Variants in CERS2 observed in about 807,000 individuals in gnomAD.
The protein encoded by CERS2 is ceramide synthase 2, also known as LAG1 homolog, ceramide synthase 2.
A neutral mutation model predicts 56.6 loss-of-function variants in CERS2; 20 were observed. The ratio of observed to expected loss-of-function variants is 0.35; its 90% CI spans 0.25 to 0.51. The LOEUF is 0.51. Ranked by LOEUF, CERS2 falls within the 20% of genes least tolerant of loss-of-function variation. The pLI is 0.96. For missense variants in CERS2, 361 were observed against 488.6 expected (o/e 0.74, Z 2.46); for synonymous variants, 187 against 175.4 (o/e 1.07, Z -0.52).
chr1:150,968,148 C>T lies in CERS2; in HGVS notation c.345G>A (p.Glu115=), dbSNP rs987811216. 6.2e-7 allele frequency: 1 copy of T among 1,609,842 alleles called. No homozygotes were observed. The highest frequency in any genetic ancestry group is 8.5e-7 in the Non-Finnish European group (1 of 1,180,006). ...GGTTGCGGCGGCGACGGAACCAACG[C>T]TCTACCTGGCGGCCAGAGAGCCCGC... ...RQSGLSGRQV[E]RWFRRRRNQD... is the part of the protein sequence containing the mutation. The change falls in exon 4 of 11, where the codon GAG becomes GAA. Residue 115 remains glutamate (E), a synonymous_variant. Coordinates refer to ENST00000368954, the MANE Select transcript of CERS2 (RefSeq NM_022075.5).
At chr1:150,966,988 A>C (rs1671042392) in intron 8 of CERS2, 86 bp downstream of exon 8, 8 of 1,547,688 alleles carry the variant, frequency 5.2e-6, no homozygotes, top group Non-Finnish European at 7.1e-6. Flanking sequence ...TCATCCTCCA[A>C]ATTCCCACCC....
At chr1:150,969,182 A>G in intron 1 of CERS2, 91 bp from the exon 2 acceptor site, 1 of 1,104,454 alleles carries the variant, frequency 9.1e-7, no homozygotes, top group Non-Finnish European at 1.3e-6. Context: ...TATCAAAAGG[A>G]GAAGGGGGCA....
Position 150,966,523 on chromosome 1 carries a change from A to G in CERS2, c.955T>C (p.Trp319Arg), listed in dbSNP as rs761938175. The change falls in exon 10 of 11, where the codon TGG (tryptophan) becomes CGG (arginine). Residue 319 changes from tryptophan (W) to arginine (R), a missense_variant. Trp to Arg is a moderately radical substitution (Grantham distance 101). This residue lies in a region of CERS2 where 122 missense variants were observed against 151.9 expected (regional missense o/e 0.80). Coordinates refer to ENST00000368954, the MANE Select transcript of CERS2 (RefSeq NM_022075.5). ...GCCATGCGCAAAATGAGGTAGGCCC[A>G]GAAGATATGCAGCAGCTGTAGAACT... ...MGVLQLLHIF[W>R]AYLILRMAHK... The G allele has an allele frequency of 1.2e-6, 2 of 1,614,198 alleles. No individual in the cohort carries two copies. Among genetic ancestry groups the G allele is most frequent in the Non-Finnish European group, 8.5e-7 (1 of 1,180,042 alleles).
chr1:150,967,397 G>C lies in CERS2; in HGVS notation c.607C>G (p.Arg203Gly). The C allele has an allele frequency of 6.3e-7, 1 of 1,591,216 alleles. No homozygotes were observed. ...LLFSIASDVK[R>G]KDFKEQIIHH... ...TGCACAACCCCTTCACCCACCTTTC[G>C]CTTGACATCAGAGGCAATGCTGAAG... Residue 203 changes from arginine to glycine, a missense_variant, in exon 7 of 11, where the codon CGA becomes GGA. Arg to Gly is a moderately radical substitution (Grantham distance 125). This residue lies in a region of CERS2 where 236 missense variants were observed against 309.2 expected (regional missense o/e 0.76). Transcript: ENST00000368954.
At chr1:150,971,771 G>C (rs587646432) in intron 1 of CERS2, 2 of 455,992 alleles carry the variant, frequency 4.4e-6, no homozygotes, top group South Asian at 3.2e-5. Context: ...GGAACACTTT[G>C]ATGTGTGCAC....
chr1:150,968,794 G>T, intron 2 of CERS2, 124 bp downstream of exon 2: 1 of 952,320 alleles, frequency 1.1e-6, no homozygotes, highest in Non-Finnish European at 1.6e-6. Flanking sequence ...TGCACAGTGG[G>T]CAGGAACCTG....
chr1:150,966,971 AG>A, intron 8 of CERS2, 102 bp downstream of exon 8: 1 of 1,496,920 alleles, frequency 6.7e-7, no homozygotes, highest in African/African-American at 1.4e-5. Flanking sequence ...CCTTGGTCCC[AG>A]GAATGTCATC....
intron 1 of CERS2, among the ~76,000 whole-genome samples, chr1:150,970,644 A>G (rs867633283): frequency 6.6e-6 from 1 of 152,006 alleles, no homozygotes. Flanking sequence ...TATGAGTAGC[A>G]TGCACTACCA....
Position 150,967,434 on chromosome 1 carries a change from G to A in CERS2, c.570C>T (p.Tyr190=). 6.2e-7 allele frequency: 1 copy of A among 1,605,352 alleles called. No individual in the cohort carries two copies. The highest frequency in any genetic ancestry group is 8.5e-7 in the Non-Finnish European group (1 of 1,172,018). Residue 190 remains tyrosine, a synonymous_variant, in exon 7 of 11, where the codon TAC becomes TAT. Transcript: ENST00000368954. ...AGGCAATGCTGAAGAGCAGGGACCA[G>A]TAGAAGGAAAGTTCAATCATGTAGT... The part of the protein sequence containing the change: ...YWYYMIELSF[Y]WSLLFSIASD...
chr1:150,973,215 G>A (rs755486252), intron 1 of CERS2: 1 of 152,302 alleles, frequency 6.6e-6, no homozygotes, highest in Non-Finnish European at 1.5e-5. Flanking sequence ...AAATAAGCCA[G>A]ATTGTAAAAA....
intron 1 of CERS2, chr1:150,969,395 G>A (rs1671119985): frequency 3.5e-6 from 1 of 288,636 alleles, no homozygotes; most frequent in Non-Finnish European, 6.7e-6. Flanking sequence ...CCAACATGGC[G>A]AAACCTCATC....
At position 150,968,211 on chromosome 1, in the gene CERS2, G is replaced by A; in HGVS notation, c.292-10C>T. The A allele has an allele frequency of 5.6e-6, 9 of 1,607,386 alleles. No homozygotes were observed. The highest frequency in any genetic ancestry group is 7.6e-6 in the Non-Finnish European group (9 of 1,178,260). On this transcript the variant is annotated splice_polypyrimidine_tract_variant and intron_variant, in intron 3 of 10. Coordinates refer to ENST00000368954, the MANE Select transcript of CERS2 (RefSeq NM_022075.5). ...AAAGCTCTACTTCCACCTGGGCACA[G>A]TGAAGAAGCCCATTGTTATGTTTAC...
intron 1 of CERS2, chr1:150,971,730 G>A (rs748197559): frequency 2.2e-4 from 81 of 362,198 alleles, no homozygotes; most frequent in Non-Finnish European, 4.2e-4. Flanking sequence ...GAAGGGACAA[G>A]GGTAGAAAAT....
intron 1 of CERS2, among the ~76,000 whole-genome samples, chr1:150,973,638 G>A (rs587644861): frequency 6.6e-6 from 1 of 152,286 alleles, no homozygotes; most frequent in East Asian, 1.9e-4. Context: ...CTCACACCCC[G>A]GTGCGGTCAT....
chr1:150,973,662 T>C (rs1455518194), intron 1 of CERS2, among the ~76,000 whole-genome samples: 2 of 152,182 alleles, frequency 1.3e-5, no homozygotes, highest in Non-Finnish European at 2.9e-5. Context: ...GACTCCGGTA[T>C]GCGGCAGCAA....
Position 150,968,094 on chromosome 1 carries a change from G to A in CERS2, c.399C>T (p.Phe133=), listed in dbSNP as rs1455134209. 1.2e-6 allele frequency: 2 copies of A among 1,609,972 alleles called. No individual in the cohort carries two copies. Among genetic ancestry groups the A allele is most frequent in the Non-Finnish European group, 1.7e-6 (2 of 1,179,938 alleles). ...NQDRPSLLKK[F]REASWRFTFY... ...CCAGCCTCCCCCACCTGGCTTCTCG[G>A]AACTTCTTGAGGAGACTGGGCCGGT... Residue 133 remains phenylalanine (F), a synonymous_variant, in exon 4 of 11, where the codon TTC becomes TTT. Coordinates refer to ENST00000368954, the MANE Select transcript of CERS2 (RefSeq NM_022075.5).
At chr1:150,967,790 T>C in intron 5 of CERS2, 30 bp downstream of exon 5, 1 of 1,610,346 alleles carries the variant, frequency 6.2e-7, no homozygotes, top group Non-Finnish European at 8.5e-7. Context: ...CCAGAGAACC[T>C]ACTCCCACCT....
rs587661002 is a variant in CERS2 at position 150,972,795 on chromosome 1, C to T, written c.-2+1824G>A. ...GGCATTAGATTAGCAGGAACTTGAG[C>T]AGGACTCTGTCCAGCCCCAACCTTT... is the stretch of plus-strand genomic sequence containing the variant. On this transcript the variant is annotated intron_variant, in intron 1 of 10. Coordinates refer to ENST00000368954, the MANE Select transcript of CERS2 (RefSeq NM_022075.5). Among the ~76,000 whole-genome samples the T allele has an allele frequency of 5.9e-5, 9 of 152,280 alleles. No individual in the cohort carries two copies. In the East Asian group the frequency reaches 1.7e-3, roughly 29 times the overall value.
chr1:150,970,203 G>A (rs1244184455), intron 1 of CERS2, among the ~76,000 whole-genome samples: 2 of 143,522 alleles, frequency 1.4e-5, no homozygotes, highest in African/African-American at 5.3e-5. Flanking sequence ...ACTCCAGCCT[G>A]GGTAACACAG....
Sources: gnomAD v4.1 joint callset for allele counts (sites outside exome capture counted in the v4.1 genomes callset) on GRCh38, gnomAD v4.1.1 for gene constraint, gnomAD v4.1.1 regional missense constraint, MANE v1.5 for transcripts, NCBI Gene and HGNC (gene_info 2026-07-23, HGNC 2026-07-21) for gene names.